Variants in ADARB2 observed in about 807,000 individuals in gnomAD.
ADARB2 encodes inactive double-stranded RNA-specific editase B2.
In ADARB2, 25 loss-of-function variants were observed where a neutral mutation model predicts 62.2. That is an observed-to-expected ratio of 0.40 (90% CI 0.29 to 0.56). ADARB2 has a LOEUF of 0.56. Ranked by LOEUF, ADARB2 falls within the 20% of genes least tolerant of loss-of-function variation. The pLI, the probability that ADARB2 is intolerant of heterozygous loss-of-function variation, is 0.43. For synonymous variants in ADARB2, 572 were observed against 500.8 expected (o/e 1.14, Z -1.90); for missense variants, 1,071 against 1,077.4 (o/e 0.99, Z 0.08).
chr10:1,219,960 G>GTGATGA, intron 6 of ADARB2, among the ~76,000 whole-genome samples: 1 of 139,116 alleles, frequency 7.2e-6, no homozygotes. Flanking sequence ...GGTGATGGTG[G>GTGATGA]TGGTGATGGA....
At chr10:1,572,468 T>C (rs59260715) in intron 1 of ADARB2, among the ~76,000 whole-genome samples, 7,062 of 152,176 alleles carry the variant, frequency 0.046, 580 homozygotes, top group African/African-American at 0.16. Context: ...GTGCCCTTTC[T>C]CGTCCATCTG....
intron 1 of ADARB2, among the ~76,000 whole-genome samples, chr10:1,529,388 C>G (rs1304620184): frequency 6.6e-6 from 1 of 152,186 alleles, no homozygotes; most frequent in South Asian, 2.1e-4. Context: ...CTGCGAGTCC[C>G]CCACAGATTG....
intron 1 of ADARB2, among the ~76,000 whole-genome samples, chr10:1,719,412 A>G (rs1318152257): frequency 6.6e-6 from 1 of 152,258 alleles, no homozygotes; most frequent in Non-Finnish European, 1.5e-5. Flanking sequence ...CAGAAAAAAC[A>G]ATGCCTTCTA....
intron 1 of ADARB2, among the ~76,000 whole-genome samples, chr10:1,691,034 G>T (rs749202922): frequency 3.3e-5 from 5 of 152,130 alleles, no homozygotes; most frequent in Non-Finnish European, 2.9e-5. Flanking sequence ...GCTGAATGGT[G>T]TCCCCCCAAA....
intron 1 of ADARB2, among the ~76,000 whole-genome samples, chr10:1,698,235 C>G (rs943919958): frequency 3.3e-5 from 5 of 152,170 alleles, no homozygotes; most frequent in East Asian, 3.9e-4. Context: ...TTATGAACAG[C>G]CTTAATCAAG....
At chr10:1,221,730 C>T (rs1830697799) in intron 6 of ADARB2, among the ~76,000 whole-genome samples, 1 of 152,128 alleles carries the variant, frequency 6.6e-6, no homozygotes, top group African/African-American at 2.4e-5. Context: ...ATCCATGTCC[C>T]TACAAAGGAC....
intron 1 of ADARB2, among the ~76,000 whole-genome samples, chr10:1,582,195 A>G (rs1370277885): frequency 1.3e-5 from 2 of 149,094 alleles, no homozygotes; most frequent in Non-Finnish European, 3.0e-5. Context: ...CTTGGGACAC[A>G]GGAAACCATT....
At chr10:1,516,730 A>G (rs1832013905) in intron 1 of ADARB2, among the ~76,000 whole-genome samples, 1 of 152,208 alleles carries the variant, frequency 6.6e-6, no homozygotes, top group Non-Finnish European at 1.5e-5. Flanking sequence ...GCACCCTTCC[A>G]ACTGTGATGC....
chr10:1,651,861 G>T (rs1488596747), intron 1 of ADARB2, among the ~76,000 whole-genome samples: 10 of 151,986 alleles, frequency 6.6e-5, no homozygotes, highest in Non-Finnish European at 1.5e-5. Context: ...ACGACCCAGG[G>T]TTGGTTCCCA....
At chr10:1,423,933 C>CATGTATGCAGTAGATCCACT (rs1323484346) in intron 1 of ADARB2, among the ~76,000 whole-genome samples, 108 of 140,628 alleles carry the variant, frequency 7.7e-4, no homozygotes, top group Admixed American at 2.2e-3. Flanking sequence ...GTAGGTCCAC[C>CATGTATGCAGTAGATCCACT]ATGTATGCAG....
chr10:1,355,263 C>T lies in ADARB2; in HGVS notation c.1077+7765G>A, dbSNP rs79837075. Among the ~76,000 whole-genome samples the T allele has an allele frequency of 9.6e-3, 1,466 of 152,308 alleles. 30 individuals are homozygous for T. The highest frequency in any genetic ancestry group is 0.033 in the African/African-American group (1,380 of 41,560). ...GACCTCTATTTTAATGAACAGTGTTCTGTGTCCTCCATCAGCCTAAAGCCC... is the reference window on the plus strand; with the variant it reads ...GACCTCTATTTTAATGAACAGTGTTTTGTGTCCTCCATCAGCCTAAAGCCC... On this transcript the variant is annotated intron_variant, in intron 3 of 9. Coordinates refer to ENST00000381312, the MANE Select transcript of ADARB2 (RefSeq NM_018702.4).
At chr10:1,214,502 A>G (rs1414703881) in intron 7 of ADARB2, among the ~76,000 whole-genome samples, 1 of 131,886 alleles carries the variant, frequency 7.6e-6, no homozygotes, top group Non-Finnish European at 1.6e-5. Context: ...GGCGTTGTGT[A>G]GGTTTGCACC....
chr10:1,403,443 T>C (rs1195074672), intron 1 of ADARB2, among the ~76,000 whole-genome samples: 1 of 152,178 alleles, frequency 6.6e-6, no homozygotes, highest in East Asian at 1.9e-4. Flanking sequence ...CTGTGCTCCT[T>C]GAAATTATAT....
Position 1,327,445 on chromosome 10 carries a change from CCACGGCCCAGCGCCTCCT to C in ADARB2, c.1077+35565_1077+35582del, listed in dbSNP as rs1831876621. Among the ~76,000 whole-genome samples, 5 of 48,274 alleles carry C rather than the reference CCACGGCCCAGCGCCTCCT, an allele frequency of 1.0e-4. 1 individual carries two copies. The highest frequency in any genetic ancestry group is 7.9e-4 in the Admixed American group (4 of 5,078). 31.7% of individuals were successfully genotyped at this position (48,274 alleles called of 152,430 possible). ...CGCCTCCCCACTGCCCAGCGCCTCCCCACGGCCCAGCGCCTCCTCACTGCACAGCGCCTCCTCACTGCA... is the reference window on the plus strand; with the variant it reads ...CGCCTCCCCACTGCCCAGCGCCTCCCCACTGCACAGCGCCTCCTCACTGCA... On this transcript the variant is annotated intron_variant, in intron 3 of 9. Coordinates refer to ENST00000381312, the MANE Select transcript of ADARB2 (RefSeq NM_018702.4).
At chr10:1,277,953 CCCTCT>C (rs1264256169) in intron 3 of ADARB2, among the ~76,000 whole-genome samples, 27 of 140,230 alleles carry the variant, frequency 1.9e-4, no homozygotes, top group African/African-American at 4.5e-4. Flanking sequence ...TCCTTCCTTC[CCCTCT>C]TTCTCTCTCT....
At position 1,474,396 on chromosome 10, in the gene ADARB2, G is replaced by A. The variant is rs547292772; in HGVS notation, c.101-95236C>T. Among the ~76,000 whole-genome samples, 3 of 152,306 alleles carry A rather than the reference G, an allele frequency of 2.0e-5. No homozygotes were observed. The South Asian group carries it at 6.2e-4, about 32-fold the overall frequency. On this transcript the variant is annotated intron_variant, in intron 1 of 9. Transcript: ENST00000381312. ...GGGACACACGGAGCTCAGAGCAGGG[G>A]CAGCCCGGTCTACATTGGGGGTCAG... is the stretch of plus-strand genomic sequence containing the variant.
chr10:1,520,317 G>A (rs978469790), intron 1 of ADARB2, among the ~76,000 whole-genome samples: 3 of 152,172 alleles, frequency 2.0e-5, no homozygotes, highest in South Asian at 2.1e-4. Flanking sequence ...GTATGTATGT[G>A]TATAAAAATA....
intron 4 of ADARB2, among the ~76,000 whole-genome samples, chr10:1,257,813 A>G (rs906703205): frequency 6.6e-6 from 1 of 152,198 alleles, no homozygotes; most frequent in Non-Finnish European, 1.5e-5. Flanking sequence ...AAGTCCTTTC[A>G]ATATCACCTA....
chr10:1,339,346 A>C (rs772896596), intron 3 of ADARB2, among the ~76,000 whole-genome samples: 1 of 152,250 alleles, frequency 6.6e-6, no homozygotes, highest in Non-Finnish European at 1.5e-5. Context: ...ACTAAGGAGA[A>C]GCCATTTTGT....
Sources: gnomAD v4.1 joint callset for allele counts (sites outside exome capture counted in the v4.1 genomes callset) on GRCh38, gnomAD v4.1.1 for gene constraint, MANE v1.5 for transcripts, NCBI Gene and HGNC (gene_info 2026-07-23, HGNC 2026-07-21) for gene names.